EFCAB8: variants seen among roughly 807,000 people sequenced by gnomAD.
EFCAB8 encodes the protein EF-hand calcium binding domain 8, also known as EF-hand calcium-binding domain-containing protein 8.
Under a neutral mutation model 116.3 loss-of-function variants are expected in EFCAB8, and 100 were observed. That is an observed-to-expected ratio of 0.86 (90% confidence interval 0.73 to 1.02). The LOEUF is 1.02. EFCAB8 is among the 50% of genes least tolerant of loss of function. The probability of loss-of-function intolerance (pLI) is 0.00; values close to 1 mark genes in which losing one functional copy is unlikely to be tolerated. For synonymous variants in EFCAB8, 558 were observed against 567.9 expected (o/e 0.98, Z 0.25); for missense variants, 1,320 against 1,416.9 (o/e 0.93, Z 1.10).
At chr20:32,869,053 C>A (rs1404817760) in intron 3 of EFCAB8, among the ~76,000 whole-genome samples, 1 of 152,084 alleles carries the variant, frequency 6.6e-6, no homozygotes, top group Non-Finnish European at 1.5e-5. Flanking sequence ...AACCCACTTC[C>A]AAGCTCACTC....
chr20:32,909,876 G>T lies in EFCAB8; in HGVS notation c.1502G>T (p.Arg501Met), dbSNP rs78951406. The T allele has an allele frequency of 8.1e-3, 10,077 of 1,249,832 alleles. 213 individuals carry two copies. The highest frequency in any genetic ancestry group is 0.06 in the East Asian group (1,911 of 31,698). The allele number at this position is 1,249,832 out of a possible 1,614,324, so 77.4% of individuals were successfully genotyped here. A position where few individuals can be genotyped will look rare whatever the true frequency, so the allele number is the denominator to read the frequency against. The change falls in exon 15 of 27, where the codon AGG becomes ATG. Residue 501 changes from arginine to methionine, a missense_variant. Transcript: ENST00000400522. ...CAGGGGCTTATCAAAGCAAGGAAGA[G>T]GACCACTCATTGCTCACCCCTGTGT... ...EAQGLIKARK[R>M]TTHCSPLCAV...
In EFCAB8 at chr20:32,895,574, TC is replaced by T. The variant is rs765873704; in HGVS notation, c.884-879del. Among the ~76,000 whole-genome samples, 1,091 of 147,614 alleles carry T rather than the reference TC, an allele frequency of 7.4e-3. 16 individuals carry two copies. The highest frequency in any genetic ancestry group is 0.027 in the African/African-American group (1,036 of 38,712). ...CTGGTATCTTTTTTCTTTCTTTCTTTCTTTTTTTTTTTTTTAAGGCAGAGTC... is the reference window on the plus strand; with the variant it reads ...CTGGTATCTTTTTTCTTTCTTTCTTTTTTTTTTTTTTTTTAAGGCAGAGTC... On this transcript the variant is annotated intron_variant, in intron 9 of 26. Transcript: ENST00000400522.
At chr20:32,932,481 C>T (rs73249247) in intron 22 of EFCAB8, among the ~76,000 whole-genome samples, 10,080 of 152,228 alleles carry the variant, frequency 0.066, 469 homozygotes, top group African/African-American at 0.13. Flanking sequence ...AGGCTTACAG[C>T]GAAGAGTCTA....
chr20:32,950,475 C>T (rs796770131), intron 23 of EFCAB8, among the ~76,000 whole-genome samples: 7 of 152,230 alleles, frequency 4.6e-5, no homozygotes, highest in African/African-American at 1.4e-4. Flanking sequence ...TTAAATAAAC[C>T]TGAGAGGGGC....
At position 32,894,646 on chromosome 20, in the gene EFCAB8, T is replaced by C. The variant is rs368971174; in HGVS notation, c.883+1348T>C. Among the ~76,000 whole-genome samples the C allele has an allele frequency of 1.5e-4, 23 of 152,332 alleles. 1 individual carries two copies. The East Asian group carries it at 3.1e-3, about 20-fold the overall frequency. On this transcript the variant is annotated intron_variant, in intron 9 of 26. Coordinates refer to ENST00000400522, the MANE Select transcript of EFCAB8 (RefSeq NM_001143967.2). ...GACAGACCCAGGTATGTACCCCAGCTCTGTGTGACCTGGAGCCAGTTGCTT... is the reference window on the plus strand; with the variant it reads ...GACAGACCCAGGTATGTACCCCAGCCCTGTGTGACCTGGAGCCAGTTGCTT...
At chr20:32,863,895 T>A in intron 2 of EFCAB8, 61 bp downstream of exon 2, 1 of 1,530,458 alleles carries the variant, frequency 6.5e-7, no homozygotes, top group Non-Finnish European at 8.8e-7. Context: ...ACCCAAAACC[T>A]CACTTACCAG....
At chr20:32,923,511 T>C (rs1343620767) in intron 20 of EFCAB8, among the ~76,000 whole-genome samples, 1 of 151,872 alleles carries the variant, frequency 6.6e-6, no homozygotes, top group Non-Finnish European at 1.5e-5. Flanking sequence ...CCACCACCTA[T>C]GAAAAAAAAT....
Position 32,912,774 on chromosome 20 carries a change from T to C in EFCAB8, c.1786-20T>C, listed in dbSNP as rs1987003384. On this transcript the variant is annotated intron_variant, in intron 16 of 26. Transcript: ENST00000400522. Reference sequence around the variant, plus strand: ...TTCTCTGATAAGTTTTCTAGTTCTGTTTTCTTTCATCTTCAACAGATTAGT... The same window carrying C: ...TTCTCTGATAAGTTTTCTAGTTCTGCTTTCTTTCATCTTCAACAGATTAGT... 2.8e-6 allele frequency: 2 copies of C among 718,454 alleles called. No homozygotes were observed. Among genetic ancestry groups the C allele is most frequent in the African/African-American group, 1.7e-5 (1 of 57,254 alleles). 44.5% of individuals were successfully genotyped at this position (718,454 alleles called of 1,614,324 possible).
At chr20:32,882,584 C>T (rs1306621715) in intron 5 of EFCAB8, among the ~76,000 whole-genome samples, 1 of 152,150 alleles carries the variant, frequency 6.6e-6, no homozygotes, top group East Asian at 1.9e-4. Context: ...GCAGTGGCAT[C>T]ATCTCAGGTC....
intron 1 of EFCAB8, among the ~76,000 whole-genome samples, chr20:32,860,592 C>T (rs1014516354): frequency 6.7e-6 from 1 of 149,018 alleles, no homozygotes; most frequent in Admixed American, 6.7e-5. Context: ...CTGCAACCTC[C>T]ACCTCCTGGG....
chr20:32,930,514 G>A lies in EFCAB8; in HGVS notation c.2529G>A (p.Lys843=), dbSNP rs1438446104. 1 of 1,552,292 alleles carries A rather than the reference G, an allele frequency of 6.4e-7. No homozygotes were observed. The highest frequency in any genetic ancestry group is 2.4e-5 in the East Asian group (1 of 40,926). ...ATGAGAATGGAGGCCTGCTGGGGAAGTTCCCTGTGGACCTAGACAATGGGG... is the reference window on the plus strand; with the variant it reads ...ATGAGAATGGAGGCCTGCTGGGGAAATTCCCTGTGGACCTAGACAATGGGG... ...SLHENGGLLG[K]FPVDLDNGDV... The change falls in exon 21 of 27, where the codon AAG becomes AAA. Residue 843 remains lysine, a synonymous_variant. Transcript: ENST00000400522.
chr20:32,904,149 T>G (rs752136042), intron 11 of EFCAB8, among the ~76,000 whole-genome samples: 3 of 149,884 alleles, frequency 2.0e-5, no homozygotes, highest in Admixed American at 6.6e-5. Flanking sequence ...TGCACCACCA[T>G]GCCCAGCTAA....
intron 11 of EFCAB8, among the ~76,000 whole-genome samples, chr20:32,899,948 G>A (rs180911793): frequency 1.1e-4 from 16 of 152,240 alleles, no homozygotes; most frequent in African/African-American, 2.2e-4. Context: ...GTTCTCTCGC[G>A]GAGTCTTCCT....
At chr20:32,916,983 G>C (rs1987216044) in intron 17 of EFCAB8, 1 of 270,354 alleles carries the variant, frequency 3.7e-6, no homozygotes, top group African/African-American at 2.2e-5. Flanking sequence ...TTTCTTTTTA[G>C]GGACCTCTGT....
chr20:32,908,812 T>C (rs1189998929), intron 14 of EFCAB8, among the ~76,000 whole-genome samples: 1 of 152,160 alleles, frequency 6.6e-6, no homozygotes, highest in Non-Finnish European at 1.5e-5. Flanking sequence ...AGTCATGAAC[T>C]TTGGGAAACA....
At chr20:32,957,037 A>G (rs1448979598) in intron 23 of EFCAB8, among the ~76,000 whole-genome samples, 4 of 145,610 alleles carry the variant, frequency 2.7e-5, no homozygotes, top group Admixed American at 1.4e-4. Context: ...CCTCTTCTGT[A>G]TGCAGCTTGC....
chr20:32,930,362 C>T, intron 20 of EFCAB8, 36 bp from the exon 21 acceptor site: 1 of 1,524,112 alleles, frequency 6.6e-7, no homozygotes, highest in Non-Finnish European at 8.8e-7. Context: ...CAGTGGCTCA[C>T]AGCCCTGCTG....
In EFCAB8 at chr20:32,961,681, T is replaced by G. The variant is rs1989159994; in HGVS notation, c.*72T>G. The G allele has an allele frequency of 1.1e-6, 1 of 951,850 alleles. No homozygotes were observed. The highest frequency in any genetic ancestry group is 4.8e-5 in the South Asian group (1 of 20,868). The allele number at this position is 951,850 out of a possible 1,614,324, so 59.0% of individuals were successfully genotyped here. A position where few individuals can be genotyped will look rare whatever the true frequency, so the allele number is the denominator to read the frequency against. On this transcript the variant is annotated 3_prime_UTR_variant, in exon 27 of 27. Transcript: ENST00000400522. ...ATGGCGGTCCTGCATGTTCTCGGCT[T>G]ATTCCCTACCAGACCCAGAGGATGT... is the stretch of plus-strand genomic sequence containing the variant.
At chr20:32,868,880 G>A (rs1048743111) in intron 3 of EFCAB8, among the ~76,000 whole-genome samples, 7 of 152,182 alleles carry the variant, frequency 4.6e-5, no homozygotes, top group Non-Finnish European at 7.3e-5. Flanking sequence ...AGCTACTTGG[G>A]AGGCTGAGGC....
Sources: allele counts gnomAD v4.1 joint callset (sites outside exome capture counted in the v4.1 genomes callset), GRCh38; gene constraint gnomAD v4.1.1; transcripts MANE v1.5; gene names NCBI Gene and HGNC (gene_info 2026-07-23, HGNC 2026-07-21).